HIPK1: variants seen among roughly 807,000 people sequenced by gnomAD.
The protein encoded by HIPK1 is homeodomain-interacting protein kinase 1.
Under a neutral mutation model 117.1 loss-of-function variants are expected in HIPK1, and 28 were observed. That is an observed-to-expected ratio of 0.24 (90% confidence interval 0.18 to 0.33). The LOEUF is 0.33. HIPK1 is among the 10% of genes least tolerant of loss of function. The pLI is 1.00. For missense variants in HIPK1, 1,122 were observed against 1,475.1 expected, an observed-to-expected ratio of 0.76 and a Z score of 3.92; for synonymous variants, 605 against 562.5, an observed-to-expected ratio of 1.08 and a Z score of -1.07.
intron 13 of HIPK1, among the ~76,000 whole-genome samples, 179 bp from the exon 14 acceptor site, chr1:113,969,777 C>T (rs1334913105): frequency 1.3e-5 from 2 of 151,996 alleles, no homozygotes; most frequent in Admixed American, 6.5e-5. Flanking sequence ...CATGGTGGTA[C>T]ACACCTGTAG....
Position 113,963,412 on chromosome 1 carries a change from C to T in HIPK1, c.2129C>T (p.Ala710Val). ...TQGSCTPLMV[A>V]TLHPQVATIT... ...GGAAGCTGTACACCACTAATGGTAGCAACTCTCCACCCTCAAGTAGCCACC... is the reference window on the plus strand; with the variant it reads ...GGAAGCTGTACACCACTAATGGTAGTAACTCTCCACCCTCAAGTAGCCACC... Residue 710 changes from alanine (A) to valine (V), a missense_variant, in exon 10 of 16, where the codon GCA becomes GTA. This residue lies in a region of HIPK1 where 731 missense variants were observed against 860.4 expected (regional missense o/e 0.85). Coordinates refer to ENST00000426820, the MANE Select transcript of HIPK1 (RefSeq NM_198268.3). The T allele has an allele frequency of 6.2e-7, 1 of 1,614,212 alleles. No homozygotes were observed. The highest frequency in any genetic ancestry group is 8.5e-7 in the Non-Finnish European group (1 of 1,180,026).
In HIPK1 at chr1:113,962,298, G is replaced by A. The variant is rs749477929; in HGVS notation, c.1982-19G>A. On this transcript the variant is annotated intron_variant, in intron 8 of 15. Coordinates refer to ENST00000426820, the MANE Select transcript of HIPK1 (RefSeq NM_198268.3). The stretch of plus-strand genomic sequence containing the variant: ...CCAGACCTTGCAAAACTATTTAACT[G>A]TGATGCTGTTTTCAATAGCTGGACT... 4 of 1,611,782 alleles carry A rather than the reference G, an allele frequency of 2.5e-6. No individual in the cohort carries two copies. In the African/African-American group the frequency reaches 5.3e-5, roughly 22 times the overall value.
intron 2 of HIPK1, among the ~76,000 whole-genome samples, chr1:113,948,638 G>A (rs1571680688): frequency 6.6e-6 from 1 of 150,894 alleles, no homozygotes; most frequent in East Asian, 1.9e-4. Flanking sequence ...CGGTAGAGTT[G>A]CTGTTTTGAC....
In HIPK1 at chr1:113,956,771, G is replaced by T; in HGVS notation, c.1552G>T (p.Val518Leu). 3 of 1,614,104 alleles carry T rather than the reference G, an allele frequency of 1.9e-6. No individual in the cohort carries two copies. The highest frequency in any genetic ancestry group is 2.5e-6 in the Non-Finnish European group (3 of 1,179,994). The change falls in exon 6 of 16, where the codon GTG (valine) becomes TTG (leucine). Residue 518 changes from valine (V) to leucine (L), a missense_variant. Physicochemically the swap from Val to Leu is conservative, Grantham distance 32. Around this residue, in one of 6 missense-constraint regions of HIPK1, gnomAD observed 731 missense variants for 860.4 expected, o/e 0.85. Transcript: ENST00000426820. ...TCTAAAAACTCTTAACCATCAGTTT[G>T]TGACAATGACTCACCTTTTGGATTT... is the stretch of plus-strand genomic sequence containing the variant. ...TPLKTLNHQF[V>L]TMTHLLDFPH...
chr1:113,952,583 T>C (rs1671438610), intron 2 of HIPK1, among the ~76,000 whole-genome samples, 183 bp from the exon 3 acceptor site: 2 of 152,226 alleles, frequency 1.3e-5, no homozygotes, highest in Non-Finnish European at 2.9e-5. Flanking sequence ...ATTCAAAATA[T>C]TCTGAATTCC....
Position 113,952,793 on chromosome 1 carries a change from A to G in HIPK1, c.1104A>G (p.Pro368=), listed in dbSNP as rs1368110630. Reference sequence around the variant, plus strand: ...CTCCTGAAATTATTCTTGGGTTACCATTTTGTGAAGCTATTGATATGTGGT... The same window carrying G: ...CTCCTGAAATTATTCTTGGGTTACCGTTTTGTGAAGCTATTGATATGTGGT... ...YRAPEIILGL[P]FCEAIDMWSL... Residue 368 remains proline (P), a synonymous_variant, in exon 3 of 16, where the codon CCA becomes CCG. Coordinates refer to ENST00000426820, the MANE Select transcript of HIPK1 (RefSeq NM_198268.3). 2.0e-6 allele frequency: 3 copies of G among 1,495,614 alleles called. No homozygotes were observed. The highest frequency in any genetic ancestry group is 1.4e-5 in the South Asian group (1 of 71,300). 92.6% of individuals were successfully genotyped at this position (1,495,614 alleles called of 1,614,324 possible). A position where few individuals can be genotyped will look rare whatever the true frequency, so the allele number is the denominator to read the frequency against.
At chr1:113,960,154 A>G (rs1214012833) in intron 8 of HIPK1, among the ~76,000 whole-genome samples, 1 of 152,194 alleles carries the variant, frequency 6.6e-6, no homozygotes, top group Non-Finnish European at 1.5e-5. Flanking sequence ...CTTTTACAAG[A>G]TGACTATACT....
intron 7 of HIPK1, among the ~76,000 whole-genome samples, chr1:113,957,673 G>A (rs1671814653): frequency 6.6e-6 from 1 of 152,132 alleles, no homozygotes; most frequent in African/African-American, 2.4e-5. Context: ...TTTTGCATTT[G>A]TTTGCTAGCC....
chr1:113,972,405 T>A (rs1002802830), intron 15 of HIPK1, among the ~76,000 whole-genome samples: 4 of 152,208 alleles, frequency 2.6e-5, no homozygotes, highest in Non-Finnish European at 5.9e-5. Flanking sequence ...GTCTGCGATT[T>A]GGGACTTCCC....
intron 10 of HIPK1, 111 bp from the exon 11 acceptor site, chr1:113,966,019 A>T (rs968644000): frequency 6.6e-6 from 7 of 1,057,368 alleles, no homozygotes; most frequent in Middle Eastern, 2.1e-4. Context: ...GCAAGTTAAC[A>T]ATCTACAAGC....
Position 113,971,907 on chromosome 1 carries a change from GCT to G in HIPK1, c.3099_3100del (p.Gln1034ThrfsTer13). ...GCCITPTGYR[A>X]QRGGTSAAQP... is the part of the protein sequence containing the mutation. ...CTGTATCACCCCCACAGGGTATCGA[GCT>G]CAACGCGGGGGGACCAGTGCAGCAC... is the stretch of plus-strand genomic sequence containing the variant. On this transcript the variant is annotated frameshift_variant, in exon 15 of 16. Coordinates refer to ENST00000426820, the MANE Select transcript of HIPK1 (RefSeq NM_198268.3). LOFTEE classifies it high-confidence loss of function. 6.2e-7 allele frequency: 1 copy of G among 1,607,756 alleles called. No individual in the cohort carries two copies.
In HIPK1 at chr1:113,974,515, C is replaced by G. The variant is rs955285003; in HGVS notation, c.*1003C>G. 6.6e-6 allele frequency: 1 copy of G among 152,620 alleles called. No homozygotes were observed. The highest frequency in any genetic ancestry group is 2.4e-5 in the African/African-American group (1 of 41,416). 9.5% of individuals were successfully genotyped at this position (152,620 alleles called of 1,614,324 possible). On this transcript the variant is annotated 3_prime_UTR_variant, in exon 16 of 16. Transcript: ENST00000426820. ...ATACACCTCTGTTTTGCTCATCTCT[C>G]CCTTCTGTTTTATGTGATTTGTTTG...
intron 8 of HIPK1, among the ~76,000 whole-genome samples, chr1:113,961,942 C>CAAAAA (rs957986733): frequency 1.9e-4 from 6 of 32,318 alleles, no homozygotes; most frequent in Non-Finnish European, 2.6e-4. Flanking sequence ...GACTCCATCT[C>CAAAAA]AAAAAAAAAA....
intron 2 of HIPK1, among the ~76,000 whole-genome samples, chr1:113,948,172 T>C (rs1014261059): frequency 2.0e-5 from 3 of 152,160 alleles, no homozygotes; most frequent in Admixed American, 6.5e-5. Context: ...AAGTAGAAAA[T>C]AACTTGTCTT....
At chr1:113,948,751 A>T (rs528221490) in intron 2 of HIPK1, among the ~76,000 whole-genome samples, 7 of 151,764 alleles carry the variant, frequency 4.6e-5, no homozygotes, top group African/African-American at 1.7e-4. Context: ...TTTTTAATTA[A>T]ATGGGACTTG....
chr1:113,945,904 G>A (rs946359307), intron 2 of HIPK1, among the ~76,000 whole-genome samples: 1 of 152,116 alleles, frequency 6.6e-6, no homozygotes, highest in Non-Finnish European at 1.5e-5. Flanking sequence ...TTTTTATTAA[G>A]GATAGCGATG....
chr1:113,954,773 C>CT lies in HIPK1; in HGVS notation c.1320+4dup. 6.2e-7 allele frequency: 1 copy of CT among 1,613,136 alleles called. No homozygotes were observed. Among genetic ancestry groups the CT allele is most frequent in the Non-Finnish European group, 8.5e-7 (1 of 1,179,202 alleles). ...GGTACCCACTGTGGAGGCTTAAGGT[C>CT]TGTCTTCCCTACTATGCTTCCGACT... On this transcript the variant is annotated splice_donor_region_variant and intron_variant, in intron 4 of 15. Transcript: ENST00000426820.
Position 113,940,500 on chromosome 1 carries a change from C to T in HIPK1, c.117C>T (p.Asn39=), listed in dbSNP as rs1445889651. The part of the protein sequence containing the change: ...SGWDVSGQSS[N]DKYYTHSKTL... ...GGGATGTTTCAGGACAGAGTAGCAA[C>T]GACAAATATTATACCCACAGCAAAA... Residue 39 remains asparagine (N), a synonymous_variant, in exon 2 of 16, where the codon AAC becomes AAT. Transcript: ENST00000426820. 8 of 1,613,992 alleles carry T rather than the reference C, an allele frequency of 5.0e-6. No individual in the cohort carries two copies. The highest frequency in any genetic ancestry group is 2.7e-5 in the African/African-American group (2 of 74,878).
At chr1:113,933,055 A>G (rs931387189) in intron 1 of HIPK1, 2 of 275,962 alleles carry the variant, frequency 7.2e-6, no homozygotes, top group Admixed American at 6.5e-5. Flanking sequence ...TTATAGACCT[A>G]TAGACTGTTA....
Sources: gnomAD v4.1 joint callset for allele counts (sites outside exome capture counted in the v4.1 genomes callset) on GRCh38, gnomAD v4.1.1 for gene constraint, gnomAD v4.1.1 regional missense constraint, MANE v1.5 for transcripts, NCBI Gene and HGNC (gene_info 2026-07-23, HGNC 2026-07-21) for gene names.